The following CCL5 variants were observed in gnomAD, a reference collection of about 807,000 sequenced individuals.
CCL5 encodes C-C motif chemokine 5.
A neutral mutation model predicts 9.0 loss-of-function variants in CCL5; 5 were observed. That is an observed-to-expected ratio of 0.55 (90% confidence interval 0.29 to 1.16). CCL5 has a LOEUF of 1.16. CCL5 is among the 50% of genes most tolerant of loss of function. The pLI is 0.08. For synonymous variants in CCL5, 66 were observed against 72.0 expected (o/e 0.92, Z 0.42); for missense variants, 183 against 183.2 (o/e 1.00, Z 0.01).
At chr17:35,878,262 G>A (rs992591055) in intron 2 of CCL5, among the ~76,000 whole-genome samples, 6 of 122,334 alleles carry the variant, frequency 4.9e-5, no homozygotes, top group African/African-American at 1.9e-4. Context: ...CAGCCTGGGC[G>A]ACAGAGTGAG....
intron 3 of CCL5, 113 bp from the exon 3 acceptor site, chr17:35,872,577 G>A (rs998131322): frequency 4.9e-5 from 40 of 815,874 alleles, no homozygotes; most frequent in Non-Finnish European, 7.7e-5. Flanking sequence ...TATCGGGGTA[G>A]GGCATATTTG....
At chr17:35,877,992 T>C (rs1439511051) in intron 2 of CCL5, among the ~76,000 whole-genome samples, 1 of 151,996 alleles carries the variant, frequency 6.6e-6, no homozygotes, top group South Asian at 2.1e-4. Context: ...CTAGTAAAGA[T>C]TGGAGTCCTA....
At chr17:35,872,571 G>A (rs147455197) in intron 3 of CCL5, 107 bp from the exon 3 acceptor site, 155 of 871,220 alleles carry the variant, frequency 1.8e-4, no homozygotes, top group African/African-American at 1.7e-3. Context: ...TGATGATATC[G>A]GGGTAGGGCA....
In CCL5 at chr17:35,872,215, G is replaced by C. The variant is rs929347368; in HGVS notation, c.*55C>G. On this transcript the variant is annotated 3_prime_UTR_variant, in exon 4 of 4. Transcript: ENST00000651122. ...TGGGATTACAGGCGTGAGCCACCACGTCCAGCCTGGGGAAGGTTTTTGTAA... is the reference window on the plus strand; with the variant it reads ...TGGGATTACAGGCGTGAGCCACCACCTCCAGCCTGGGGAAGGTTTTTGTAA... 2.3e-6 allele frequency: 3 copies of C among 1,321,992 alleles called. No homozygotes were observed. Among genetic ancestry groups the C allele is most frequent in the Non-Finnish European group, 3.0e-6 (3 of 996,952 alleles). 81.9% of individuals were successfully genotyped at this position (1,321,992 alleles called of 1,614,324 possible).
chr17:35,874,692 C>G (rs1431756818), intron 3 of CCL5, among the ~76,000 whole-genome samples: 1 of 152,042 alleles, frequency 6.6e-6, no homozygotes, highest in African/African-American at 2.4e-5. Flanking sequence ...CTCACTGCAA[C>G]CTTCGCCTCC....
intron 3 of CCL5, among the ~76,000 whole-genome samples, chr17:35,874,171 AT>A (rs2088413005): frequency 6.6e-6 from 1 of 152,098 alleles, no homozygotes. Context: ...TTTCCTGCAC[AT>A]TATTCTTATT....
In CCL5 at chr17:35,875,554, C is replaced by A. The variant is rs2088431278; in HGVS notation, c.270+7G>T. ...TTTAGGGTGGTGTGAGAGTTTCAGA[C>A]ACAGACCTTGCCCTTGTTCAGCCGG... On this transcript the variant is annotated splice_region_variant and intron_variant, in intron 3 of 3. Transcript: ENST00000651122. 2.0e-6 allele frequency: 2 copies of A among 982,908 alleles called. No homozygotes were observed. The highest frequency in any genetic ancestry group is 9.4e-5 in the South Asian group (2 of 21,230). 60.9% of individuals were successfully genotyped at this position (982,908 alleles called of 1,614,324 possible). A position where few individuals can be genotyped will look rare whatever the true frequency, so the allele number is the denominator to read the frequency against.
At chr17:35,872,707 ATG>A (rs1367374703) in intron 3 of CCL5, among the ~76,000 whole-genome samples, 1 of 152,186 alleles carries the variant, frequency 6.6e-6, no homozygotes, top group Non-Finnish European at 1.5e-5. Flanking sequence ...ACACAAATGC[ATG>A]TAGCCTGAAA....
rs549994676 is a variant in CCL5 at position 35,871,508 on chromosome 17, A to T, written c.*762T>A. ...GAGTCAGCTTTATGGTTGCATTGAG[A>T]ACTTTAATGGTAAGCCGATTTTTCA... On this transcript the variant is annotated 3_prime_UTR_variant, in exon 4 of 4. Transcript: ENST00000651122. 2 of 152,346 alleles carry T rather than the reference A, an allele frequency of 1.3e-5. No homozygotes were observed. The highest frequency in any genetic ancestry group is 4.2e-4 in the South Asian group (2 of 4,816). The allele number at this position is 152,346 out of a possible 1,614,324, so 9.4% of individuals were successfully genotyped here.
chr17:35,873,487 GAGA>G (rs1379859875), intron 3 of CCL5, among the ~76,000 whole-genome samples: 1 of 152,132 alleles, frequency 6.6e-6, no homozygotes, highest in African/African-American at 2.4e-5. Context: ...GCGCCTGGCC[GAGA>G]AGTTCTTAAA....
At chr17:35,875,050 G>T (rs768361144) in intron 3 of CCL5, among the ~76,000 whole-genome samples, 5 of 146,442 alleles carry the variant, frequency 3.4e-5, no homozygotes, top group Non-Finnish European at 7.5e-5. Context: ...AAAAAAAAAA[G>T]AAATGTATTC....
Position 35,872,308 on chromosome 17 carries a change from C to T in CCL5, c.427G>A (p.Glu143Lys). 6.2e-7 allele frequency: 1 copy of T among 1,602,880 alleles called. No individual in the cohort carries two copies. Among genetic ancestry groups the T allele is most frequent in the African/African-American group, 1.3e-5 (1 of 74,756 alleles). Reference sequence around the variant, plus strand: ...GGGGTAGGATAGTGAGGGGAAGCCTCCCAAGCTAGGACAAGAGCAAGCAGA... The same window carrying T: ...GGGGTAGGATAGTGAGGGGAAGCCTTCCAAGCTAGGACAAGAGCAAGCAGA... The change falls in exon 4 of 4, where the codon GAG (glutamate) becomes AAG (lysine). Residue 143 changes from glutamate (E) to lysine (K), a missense_variant. Coordinates refer to ENST00000651122, the MANE Select transcript of CCL5 (RefSeq NM_001278736.2).
intron 3 of CCL5, among the ~76,000 whole-genome samples, chr17:35,873,405 T>C (rs559422304): frequency 3.2e-4 from 49 of 151,644 alleles, no homozygotes; most frequent in South Asian, 1.9e-3. Flanking sequence ...GCCAGGATGG[T>C]CTCGATCTCC....
chr17:35,874,467 T>A (rs1030840215), intron 3 of CCL5, among the ~76,000 whole-genome samples: 1 of 152,054 alleles, frequency 6.6e-6, no homozygotes, highest in African/African-American at 2.4e-5. Flanking sequence ...GGCTAATTTT[T>A]AAAAATTTAT....
In CCL5 at chr17:35,872,322, A is replaced by G. The variant is rs776506453; in HGVS notation, c.413T>C (p.Leu138Pro). Residue 138 changes from leucine to proline, a missense_variant, in exon 4 of 4, where the codon CTT becomes CCT. By Grantham distance (98) the Leu-to-Pro change is moderately conservative. Coordinates refer to ENST00000651122, the MANE Select transcript of CCL5 (RefSeq NM_001278736.2). ...AGGGGAAGCCTCCCAAGCTAGGACA[A>G]GAGCAAGCAGAAACAGGCAAATTTG... is the stretch of plus-strand genomic sequence containing the variant. 1 of 1,608,632 alleles carries G rather than the reference A, an allele frequency of 6.2e-7. No homozygotes were observed. Among genetic ancestry groups the G allele is most frequent in the Non-Finnish European group, 8.5e-7 (1 of 1,175,982 alleles).
rs181824835 is a variant in CCL5, at chr17:35,872,301, G to A, written c.434C>T (p.Ser145Phe). The A allele has an allele frequency of 6.3e-7, 1 of 1,598,488 alleles. No homozygotes were observed. The highest frequency in any genetic ancestry group is 8.6e-7 in the Non-Finnish European group (1 of 1,169,136). The stretch of plus-strand genomic sequence containing the variant: ...AGCGGGTGGGGTAGGATAGTGAGGG[G>A]AAGCCTCCCAAGCTAGGACAAGAGC... Residue 145 changes from serine to phenylalanine, a missense_variant, in exon 4 of 4, where the codon TCC becomes TTC. Coordinates refer to ENST00000651122, the MANE Select transcript of CCL5 (RefSeq NM_001278736.2).
At position 35,872,167 on chromosome 17, in the gene CCL5, C is replaced by A. The variant is rs2088375782; in HGVS notation, c.*103G>T. ...CGAACTCCTGACCTCAAGTGATCCA[C>A]CCACCTTGGCCTCCCAAAGTGCTGG... On this transcript the variant is annotated 3_prime_UTR_variant, in exon 4 of 4. Transcript: ENST00000651122. 4 of 670,036 alleles carry A rather than the reference C, an allele frequency of 6.0e-6. No individual in the cohort carries two copies. The African/African-American group carries it at 7.4e-5, about 12-fold the overall frequency. 41.5% of individuals were successfully genotyped at this position (670,036 alleles called of 1,614,324 possible).
intron 2 of CCL5, among the ~76,000 whole-genome samples, chr17:35,878,320 TC>T (rs2088469660): frequency 8.0e-6 from 1 of 124,336 alleles, no homozygotes. Context: ...AAGATTGGAG[TC>T]CTGGGAACAT....
intron 2 of CCL5, among the ~76,000 whole-genome samples, chr17:35,876,070 A>G (rs1212969072): frequency 3.9e-5 from 6 of 152,186 alleles, no homozygotes; most frequent in Non-Finnish European, 8.8e-5. Context: ...GTACCAGAGC[A>G]TATTCTAAGT....
Sources: gnomAD v4.1 joint callset for allele counts (sites outside exome capture counted in the v4.1 genomes callset) on GRCh38, gnomAD v4.1.1 for gene constraint, MANE v1.5 for transcripts, NCBI Gene and HGNC (gene_info 2026-07-23, HGNC 2026-07-21) for gene names.